Variants in TENM3 observed in about 807,000 individuals in gnomAD.
TENM3 encodes teneurin transmembrane protein 3.
A neutral mutation model predicts 255.1 loss-of-function variants in TENM3; 63 were observed. The ratio of observed to expected loss-of-function variants is 0.25; its 90% CI spans 0.20 to 0.30. The LOEUF (loss-of-function observed/expected upper bound fraction) is 0.30, where lower values mean the gene tolerates loss of function less well. Among genes scored for constraint, TENM3 ranks in the 10% least tolerant of loss-of-function variants. The pLI, the probability that TENM3 is intolerant of heterozygous loss-of-function variation, is 1.00. For synonymous variants in TENM3, 1,306 were observed against 1,322.3 expected, an observed-to-expected ratio of 0.99 and a Z score of 0.27; for missense variants, 2,929 against 3,461.1, an observed-to-expected ratio of 0.85 and a Z score of 3.86.
At chr4:182,668,457 G>A (rs181834527) in intron 6 of TENM3, among the ~76,000 whole-genome samples, 1 of 152,022 alleles carries the variant, frequency 6.6e-6, no homozygotes, top group Non-Finnish European at 1.5e-5. Flanking sequence ...ACCCCCACGG[G>A]TACTAGAACT....
At chr4:181,757,206 TAC>T in the TENM3 span, among the ~76,000 whole-genome samples, 1 of 152,306 alleles carries the variant, frequency 6.6e-6, no homozygotes, top group Admixed American at 6.5e-5. Context: ...GAAGCCACAA[TAC>T]ACACTTTTCA....
At chr4:182,684,997 A>G (rs1756463771) in intron 11 of TENM3, among the ~76,000 whole-genome samples, 1 of 152,174 alleles carries the variant, frequency 6.6e-6, no homozygotes, top group Admixed American at 6.5e-5. Context: ...CAGTATCAGC[A>G]TGACAGATTT....
Position 182,606,353 on chromosome 4 carries a change from G to A in TENM3, c.749+5192G>A, listed in dbSNP as rs377374353. Among the ~76,000 whole-genome samples, 11 of 151,730 alleles carry A rather than the reference G, an allele frequency of 7.2e-5. No individual in the cohort carries two copies. In the East Asian group the frequency reaches 1.6e-3, roughly 22 times the overall value. On this transcript the variant is annotated intron_variant, in intron 4 of 27. Transcript: ENST00000511685. ...AGCCTGGCCAACATGGTGAAACCCC[G>A]TCTCTACGAAAAATACAAAAATTAG...
At chr4:181,513,130 T>A in the TENM3 span, among the ~76,000 whole-genome samples, 1 of 152,178 alleles carries the variant, frequency 6.6e-6, no homozygotes, top group Admixed American at 6.5e-5. Flanking sequence ...CCTCTGAGAC[T>A]TTTTTTGTGG....
intron 3 of TENM3, among the ~76,000 whole-genome samples, chr4:182,398,168 G>A (rs977482455): frequency 2.6e-5 from 4 of 152,136 alleles, no homozygotes; most frequent in African/African-American, 9.7e-5. Flanking sequence ...AGATTGGATC[G>A]CTCGCGTGGA....
chr4:181,497,362 A>T, the TENM3 span, among the ~76,000 whole-genome samples: 11 of 152,158 alleles, frequency 7.2e-5, no homozygotes, highest in Admixed American at 4.6e-4. Context: ...CCTATAGAAG[A>T]TGCATATTTT....
intron 3 of TENM3, among the ~76,000 whole-genome samples, chr4:182,564,067 G>A (rs1364701855): frequency 1.3e-5 from 2 of 152,074 alleles, no homozygotes; most frequent in African/African-American, 2.4e-5. Flanking sequence ...ACCTTAGGTT[G>A]GAAAGAGCCT....
At position 182,719,252 on chromosome 4, in the gene TENM3, C is replaced by CTTTTTTTTTTTTTTT. The variant is rs11348241; in HGVS notation, c.2368+5032_2368+5046dup. Among the ~76,000 whole-genome samples the CTTTTTTTTTTTTTTT allele has an allele frequency of 1.5e-4, 12 of 80,870 alleles. 1 individual carries two copies. Among genetic ancestry groups the CTTTTTTTTTTTTTTT allele is most frequent in the South Asian group, 5.8e-4 (1 of 1,734 alleles). The allele number at this position is 80,870 out of a possible 152,430, so 53.1% of individuals were successfully genotyped here. A position where few individuals can be genotyped will look rare whatever the true frequency, so the allele number is the denominator to read the frequency against. On this transcript the variant is annotated intron_variant, in intron 13 of 27. Coordinates refer to ENST00000511685, the MANE Select transcript of TENM3 (RefSeq NM_001080477.4). ...AGTAAAATAGAGTTCTTTTTTTTTTCTTTTTTTTTTTTTTTTTTTTTTTTT... is the reference window on the plus strand; with the variant it reads ...AGTAAAATAGAGTTCTTTTTTTTTTCTTTTTTTTTTTTTTTTTTTTTTTTTTTTTTTTTTTTTTTT...
intron 1 of TENM3, among the ~76,000 whole-genome samples, chr4:182,150,020 G>A (rs751623778): frequency 2.5e-4 from 38 of 152,046 alleles, no homozygotes; most frequent in South Asian, 6.2e-4. Context: ...CAAAAATTGC[G>A]TTTGTTGATA....
chr4:182,305,997 C>T (rs1323512233), intron 1 of TENM3, among the ~76,000 whole-genome samples: 1 of 152,052 alleles, frequency 6.6e-6, no homozygotes, highest in East Asian at 1.9e-4. Context: ...GCAGAAGCAC[C>T]GTCCATATGG....
chr4:182,077,218 A>G, the TENM3 span, among the ~76,000 whole-genome samples: 2 of 151,978 alleles, frequency 1.3e-5, no homozygotes, highest in Admixed American at 1.3e-4. Flanking sequence ...GGGTCAGTTC[A>G]TTGTCTTGTA....
intron 3 of TENM3, among the ~76,000 whole-genome samples, chr4:182,497,933 C>T (rs944703136): frequency 6.7e-6 from 1 of 149,038 alleles, no homozygotes; most frequent in East Asian, 2.0e-4. Flanking sequence ...AAGCCTTGTA[C>T]ATGTAACTCC....
chr4:181,550,856 T>C, the TENM3 span, among the ~76,000 whole-genome samples: 1 of 152,238 alleles, frequency 6.6e-6, no homozygotes, highest in Non-Finnish European at 1.5e-5. Flanking sequence ...AATTCAGATC[T>C]ATCAGGCACA....
the TENM3 span, among the ~76,000 whole-genome samples, chr4:181,635,907 C>A: frequency 6.6e-6 from 1 of 152,020 alleles, no homozygotes; most frequent in East Asian, 1.9e-4. Flanking sequence ...ATTCTTGTGG[C>A]AACTGGGGGG....
At chr4:182,219,678 G>A (rs1755729960) in intron 1 of TENM3, among the ~76,000 whole-genome samples, 1 of 151,500 alleles carries the variant, frequency 6.6e-6, no homozygotes, top group East Asian at 1.9e-4. Context: ...ACAAAAAAAA[G>A]AAAAGAAAGG....
chr4:181,699,580 C>A, the TENM3 span, among the ~76,000 whole-genome samples: 1 of 148,266 alleles, frequency 6.7e-6, no homozygotes, highest in Non-Finnish European at 1.5e-5. Flanking sequence ...GAGATACATA[C>A]AAAATATAAT....
chr4:181,889,550 A>C, the TENM3 span, among the ~76,000 whole-genome samples: 4 of 152,190 alleles, frequency 2.6e-5, no homozygotes, highest in Admixed American at 6.5e-5. Context: ...GCATACAATC[A>C]ATACTATTTA....
the TENM3 span, among the ~76,000 whole-genome samples, chr4:181,760,884 C>A: frequency 2.0e-5 from 3 of 151,508 alleles, no homozygotes; most frequent in African/African-American, 7.3e-5. Context: ...CATCTTATTA[C>A]CTTCCTTACC....
chr4:182,039,759 A>C, the TENM3 span, among the ~76,000 whole-genome samples: 1 of 151,786 alleles, frequency 6.6e-6, no homozygotes, highest in South Asian at 2.1e-4. Context: ...TCTTAGAGCC[A>C]CTTTCCTGTC....
Sources: allele counts gnomAD v4.1 joint callset (sites outside exome capture counted in the v4.1 genomes callset), GRCh38; gene constraint gnomAD v4.1.1; transcripts MANE v1.5; gene names NCBI Gene and HGNC (gene_info 2026-07-23, HGNC 2026-07-21).